GRIA2: variants seen among roughly 807,000 people sequenced by gnomAD.
The protein encoded by GRIA2 is glutamate ionotropic receptor AMPA type subunit 2, also known as glutamate receptor 2.
GRIA2 carries 14 observed loss-of-function variants against 97.3 expected under a neutral mutation model. The observed-to-expected ratio is 0.14, with a 90% CI of 0.10 to 0.23. The LOEUF is 0.23. Ranked by LOEUF, GRIA2 falls within the 10% of genes least tolerant of loss-of-function variation. GRIA2 has a pLI of 1.00. For missense variants in GRIA2, 558 were observed against 1,069.8 expected (o/e 0.52, Z 6.67); for synonymous variants, 412 against 387.8 (o/e 1.06, Z -0.73).
chr4:157,355,012 A>G (rs1736184972), intron 12 of GRIA2, among the ~76,000 whole-genome samples: 1 of 152,148 alleles, frequency 6.6e-6, no homozygotes, highest in South Asian at 2.1e-4. Context: ...TCTGAAATAA[A>G]AACTTACAAT....
chr4:157,302,765 A>T (rs766212974), intron 2 of GRIA2, among the ~76,000 whole-genome samples: 1 of 152,192 alleles, frequency 6.6e-6, no homozygotes, highest in Non-Finnish European at 1.5e-5. Context: ...TAACTTAGTT[A>T]TGGACTGACT....
intron 11 of GRIA2, among the ~76,000 whole-genome samples, chr4:157,338,092 A>G (rs1434422760): frequency 6.9e-6 from 1 of 144,424 alleles, no homozygotes; most frequent in African/African-American, 2.5e-5. Flanking sequence ...TATAAGATTC[A>G]TAGTTTTATC....
intron 12 of GRIA2, among the ~76,000 whole-genome samples, chr4:157,348,415 T>G (rs540510547): frequency 2.6e-5 from 4 of 152,124 alleles, no homozygotes; most frequent in African/African-American, 7.2e-5. Flanking sequence ...GTTTCTAAAT[T>G]TTTTGTAGAA....
At chr4:157,257,245 T>C (rs1289372315) in intron 2 of GRIA2, among the ~76,000 whole-genome samples, 1 of 152,080 alleles carries the variant, frequency 6.6e-6, no homozygotes, top group Non-Finnish European at 1.5e-5. Flanking sequence ...CCTGTGACTT[T>C]TTACTGTGCT....
intron 12 of GRIA2, among the ~76,000 whole-genome samples, chr4:157,355,971 A>ATATATATTTATATATATTTATGTATATT (rs1560781332): frequency 1.0e-4 from 1 of 9,596 alleles, no homozygotes; most frequent in Non-Finnish European, 2.7e-4. Context: ...ATGTATATTA[A>ATATATATTTATATATATTTATGTATATT]TATATATATT....
At chr4:157,261,771 T>C (rs952657969) in intron 2 of GRIA2, among the ~76,000 whole-genome samples, 8 of 151,880 alleles carry the variant, frequency 5.3e-5, no homozygotes, top group Non-Finnish European at 7.4e-5. Context: ...GTGTTTAGTA[T>C]TTTTTTTGAA....
chr4:157,235,093 A>C (rs183938936), intron 2 of GRIA2, among the ~76,000 whole-genome samples: 7 of 152,184 alleles, frequency 4.6e-5, no homozygotes, highest in Admixed American at 4.6e-4. Context: ...TTTTAAAGCA[A>C]ATCTGTATAT....
At position 157,365,100 on chromosome 4, in the gene GRIA2, G is replaced by A. The variant is rs41280449; in HGVS notation, c.*1669G>A. Reference sequence around the variant, plus strand: ...GAAGAAAGCCTTTGTGTAGCACTTGGTATTTTGCAAAGTGCTTTTAAAACA... The same window carrying A: ...GAAGAAAGCCTTTGTGTAGCACTTGATATTTTGCAAAGTGCTTTTAAAACA... On this transcript the variant is annotated 3_prime_UTR_variant, in exon 16 of 16. Transcript: ENST00000264426. 5 of 151,614 alleles carry A rather than the reference G, an allele frequency of 3.3e-5. No homozygotes were observed. The highest frequency in any genetic ancestry group is 5.9e-5 in the Non-Finnish European group (4 of 67,660). The allele number at this position is 151,614 out of a possible 1,614,324, so 9.4% of individuals were successfully genotyped here.
intron 3 of GRIA2, among the ~76,000 whole-genome samples, chr4:157,305,161 T>A (rs903120768): frequency 6.6e-6 from 1 of 152,210 alleles, no homozygotes; most frequent in East Asian, 1.9e-4. Flanking sequence ...TTTTAGTTTT[T>A]CCTCTTGTTC....
intron 12 of GRIA2, among the ~76,000 whole-genome samples, chr4:157,355,810 A>AT: frequency 3.4e-5 from 3 of 88,872 alleles, no homozygotes; most frequent in African/African-American, 1.2e-4. Flanking sequence ...ATATTTATAT[A>AT]TTAGTTATAT....
rs1038005559 is a variant in GRIA2, at chr4:157,335,478, G to A, written c.1267-193G>A. On this transcript the variant is annotated intron_variant, in intron 9 of 15. Transcript: ENST00000264426. The stretch of plus-strand genomic sequence containing the variant: ...ATACAAGCCGTCTTAATGAATTATA[G>A]TGATAGACATTCCGAGGCTTTCTGG... 39 of 578,806 alleles carry A rather than the reference G, an allele frequency of 6.7e-5. No homozygotes were observed. In the Admixed American group the frequency reaches 1.1e-3, roughly 16 times the overall value. 35.9% of individuals were successfully genotyped at this position (578,806 alleles called of 1,614,324 possible).
chr4:157,279,741 T>G (rs1412489449), intron 2 of GRIA2, among the ~76,000 whole-genome samples: 1 of 152,160 alleles, frequency 6.6e-6, no homozygotes, highest in Non-Finnish European at 1.5e-5. Flanking sequence ...TATTTAGGAA[T>G]AGAATAGTGA....
chr4:157,312,618 T>C (rs1244677553), intron 3 of GRIA2, 61 bp from the exon 4 acceptor site: 1 of 928,838 alleles, frequency 1.1e-6, no homozygotes, highest in Non-Finnish European at 1.6e-6. Flanking sequence ...GGCAATTTCA[T>C]AACACAATCC....
At position 157,333,286 on chromosome 4, in the gene GRIA2, A is replaced by G. The variant is rs1324998260; in HGVS notation, c.1088A>G (p.Asp363Gly). The G allele has an allele frequency of 1.2e-6, 2 of 1,601,262 alleles. No homozygotes were observed. Among genetic ancestry groups the G allele is most frequent in the African/African-American group, 1.3e-5 (1 of 74,514 alleles). The change falls in exon 8 of 16, where the codon GAC becomes GGC. Residue 363 changes from aspartate to glycine, a missense_variant. Physicochemically the swap from Asp to Gly is moderately conservative, Grantham distance 94. Transcript: ENST00000264426. ...VEGLSGNIKF[D>G]QNGKRINYTI... ...GGTCTCTCAGGAAATATAAAGTTTG[A>G]CCAGAATGGAAAAAGAATAAACTAT...
intron 2 of GRIA2, among the ~76,000 whole-genome samples, chr4:157,293,632 A>G (rs1290100776): frequency 2.6e-5 from 4 of 152,184 alleles, no homozygotes; most frequent in Non-Finnish European, 5.9e-5. Flanking sequence ...AATTTGTGCT[A>G]TAATATACTC....
intron 2 of GRIA2, among the ~76,000 whole-genome samples, chr4:157,302,813 CAT>C (rs1193538585): frequency 1.3e-5 from 2 of 152,038 alleles, no homozygotes; most frequent in Non-Finnish European, 1.5e-5. Context: ...TGTCATATGC[CAT>C]TCACTGGAAA....
chr4:157,279,553 G>A (rs1198113979), intron 2 of GRIA2, among the ~76,000 whole-genome samples: 2 of 152,050 alleles, frequency 1.3e-5, no homozygotes, highest in African/African-American at 4.8e-5. Flanking sequence ...GATGTGGGAT[G>A]TCCACAGTAA....
chr4:157,363,355 A>G, intron 15 of GRIA2, 80 bp from the exon 16 acceptor site: 4 of 972,516 alleles, frequency 4.1e-6, no homozygotes, highest in Non-Finnish European at 5.4e-6. Flanking sequence ...TTCAAAAACA[A>G]CCCTGCCTTT....
intron 2 of GRIA2, among the ~76,000 whole-genome samples, chr4:157,270,684 C>G (rs1420910546): frequency 6.6e-6 from 1 of 152,030 alleles, no homozygotes; most frequent in Admixed American, 6.6e-5. Flanking sequence ...GACTATGACA[C>G]CTTGTGTGCA....
Sources: gnomAD v4.1 joint callset for allele counts (sites outside exome capture counted in the v4.1 genomes callset) on GRCh38, gnomAD v4.1.1 for gene constraint, MANE v1.5 for transcripts, NCBI Gene and HGNC (gene_info 2026-07-23, HGNC 2026-07-21) for gene names.